The following DLEC1 variants were observed in gnomAD, a reference collection of about 807,000 sequenced individuals.
The protein encoded by DLEC1 is DLEC1 cilia and flagella associated protein, also known as deleted in lung and esophageal cancer protein 1.
DLEC1 carries 146 observed loss-of-function variants against 198.1 expected under a neutral mutation model. The ratio of observed to expected loss-of-function variants is 0.74; its 90% CI spans 0.64 to 0.85. DLEC1 has a LOEUF of 0.85. Ranked by LOEUF, DLEC1 falls within the 40% of genes least tolerant of loss-of-function variation. DLEC1 has a pLI of 0.00. For missense variants in DLEC1, 2,233 were observed against 2,220.0 expected (o/e 1.01, Z -0.12); for synonymous variants, 897 against 866.8 (o/e 1.03, Z -0.61).
At position 38,097,762 on chromosome 3, in the gene DLEC1, A is replaced by G; in HGVS notation, c.2584A>G (p.Asn862Asp). Reference sequence around the variant, plus strand: ...GTCTCAGGGGCCTGCCCTCATCATCAACGTCTCAGCCCTTCAGTTTGGTCT... The same window carrying G: ...GTCTCAGGGGCCTGCCCTCATCATCGACGTCTCAGCCCTTCAGTTTGGTCT... ...AVFKGPALII[N>D]VSALQFGLLR... Residue 862 changes from asparagine (N) to aspartate (D), a missense_variant, in exon 18 of 37, where the codon AAC (asparagine) becomes GAC (aspartate). Asn to Asp is a conservative substitution (Grantham distance 23). Coordinates refer to ENST00000308059, the MANE Select transcript of DLEC1 (RefSeq NM_007335.4). The G allele has an allele frequency of 6.2e-7, 1 of 1,614,076 alleles. No homozygotes were observed.
intron 33 of DLEC1, 52 bp downstream of exon 33, chr3:38,118,076 TAC>T: frequency 1.3e-6 from 2 of 1,537,668 alleles, no homozygotes; most frequent in Non-Finnish European, 1.8e-6. Flanking sequence ...CTCACATGTG[TAC>T]AGACAGCACC....
At chr3:38,101,702 A>G (rs927730730) in intron 19 of DLEC1, among the ~76,000 whole-genome samples, 44 of 152,198 alleles carry the variant, frequency 2.9e-4, no homozygotes, top group African/African-American at 1.1e-3. Flanking sequence ...CACCATGACA[A>G]ATGTTGTTGG....
intron 1 of DLEC1, among the ~76,000 whole-genome samples, chr3:38,043,785 C>G (rs1575375974): frequency 6.6e-6 from 1 of 152,132 alleles, no homozygotes; most frequent in African/African-American, 2.4e-5. Context: ...TCTCTGCCTC[C>G]TGGGTTCAAG....
intron 19 of DLEC1, among the ~76,000 whole-genome samples, chr3:38,101,439 G>A (rs1236659688): frequency 2.6e-5 from 4 of 152,112 alleles, no homozygotes; most frequent in African/African-American, 9.7e-5. Flanking sequence ...AAGCTGGCTG[G>A]TGATAATATT....
rs1699092813 is a variant in DLEC1 at position 38,097,562 on chromosome 3, C to G, written c.2490C>G (p.Pro830=). ...ACTTTACTGGGGGTGTCCCTGGCCC[C>G]ACAAGCCAGGACCTGCTGTGTGAAA... ...ELNFTGGVPG[P]TSQDLLCEIE... is the part of the protein sequence containing the mutation. The change falls in exon 17 of 37, where the codon CCC becomes CCG. Residue 830 remains proline (P), a synonymous_variant. Coordinates refer to ENST00000308059, the MANE Select transcript of DLEC1 (RefSeq NM_007335.4). 4.3e-6 allele frequency: 7 copies of G among 1,614,082 alleles called. No homozygotes were observed. Among genetic ancestry groups the G allele is most frequent in the African/African-American group, 1.3e-5 (1 of 74,922 alleles).
chr3:38,056,117 A>AC (rs1165385719), intron 2 of DLEC1, among the ~76,000 whole-genome samples: 2 of 139,822 alleles, frequency 1.4e-5, no homozygotes, highest in African/African-American at 2.7e-5. Flanking sequence ...ACACACACAC[A>AC]AATAGCTGAG....
rs575414758 is a variant in DLEC1, at chr3:38,121,217, T to C, written c.4867-411T>C. On this transcript the variant is annotated intron_variant, in intron 34 of 36. Coordinates refer to ENST00000308059, the MANE Select transcript of DLEC1 (RefSeq NM_007335.4). Reference sequence around the variant, plus strand: ...GGTGCATGGCAGTGCCTGAGTGTGATGCAGGGGCTGCCAGGAGATAGAGGA... The same window carrying C: ...GGTGCATGGCAGTGCCTGAGTGTGACGCAGGGGCTGCCAGGAGATAGAGGA... Among the ~76,000 whole-genome samples, 7 of 152,288 alleles carry C rather than the reference T, an allele frequency of 4.6e-5. No homozygotes were observed. In the East Asian group the frequency reaches 1.4e-3, roughly 30 times the overall value.
chr3:38,111,555 G>A lies in DLEC1; in HGVS notation c.3444-122G>A, dbSNP rs966689068. 6.3e-6 allele frequency: 6 copies of A among 956,112 alleles called. No individual in the cohort carries two copies. The African/African-American group carries it at 1.0e-4, about 16-fold the overall frequency. The allele number at this position is 956,112 out of a possible 1,614,324, so 59.2% of individuals were successfully genotyped here. A position where few individuals can be genotyped will look rare whatever the true frequency, so the allele number is the denominator to read the frequency against. On this transcript the variant is annotated intron_variant, in intron 23 of 36. Transcript: ENST00000308059. ...ACTGACCAGCTCTCCCCTGGGAAGA[G>A]CAGGCAGGGCCACCTTCCTCTGCTG...
rs374279521 is a variant in DLEC1 at position 38,122,276 on chromosome 3, A to G, written c.5145-13A>G. On this transcript the variant is annotated splice_polypyrimidine_tract_variant and intron_variant, in intron 36 of 36. Coordinates refer to ENST00000308059, the MANE Select transcript of DLEC1 (RefSeq NM_007335.4). ...GGTGCCTCCTAACCTCAGCCCCCAC[A>G]TGCTCCCCACAGGAGTAGTGAGCTG... 14 of 1,608,312 alleles carry G rather than the reference A, an allele frequency of 8.7e-6. No homozygotes were observed. Among genetic ancestry groups the G allele is most frequent in the Admixed American group, 3.3e-5 (2 of 59,798 alleles).
rs183467386 is a variant in DLEC1 at position 38,110,609 on chromosome 3, G to C, written c.3443+328G>C. Among the ~76,000 whole-genome samples the C allele has an allele frequency of 4.5e-3, 691 of 152,330 alleles. 1 individual carries two copies. The highest frequency in any genetic ancestry group is 0.017 in the Middle Eastern group (5 of 294). The stretch of plus-strand genomic sequence containing the variant: ...ACAGAAGGAACTGTGCAGGCCAAAG[G>C]GTGGGAGGAATAGTTCAGGAGTAGG... On this transcript the variant is annotated intron_variant, in intron 23 of 36. Coordinates refer to ENST00000308059, the MANE Select transcript of DLEC1 (RefSeq NM_007335.4).
At chr3:38,042,397 A>G (rs2125569214) in intron 1 of DLEC1, among the ~76,000 whole-genome samples, 1 of 152,280 alleles carries the variant, frequency 6.6e-6, no homozygotes, top group African/African-American at 2.4e-5. Context: ...TCACAACAAA[A>G]TGTTAACAAT....
chr3:38,069,614 C>T (rs552495211), intron 6 of DLEC1, among the ~76,000 whole-genome samples: 1 of 152,314 alleles, frequency 6.6e-6, no homozygotes, highest in South Asian at 2.1e-4. Context: ...CCAAAGCTTC[C>T]AGTGCTGTTA....
rs1018113865 is a variant in DLEC1, at chr3:38,116,332, C to A, written c.3857-121C>A. 8 of 900,882 alleles carry A rather than the reference C, an allele frequency of 8.9e-6. No homozygotes were observed. In the Admixed American group the frequency reaches 1.2e-4, roughly 13 times the overall value. The allele number at this position is 900,882 out of a possible 1,614,324, so 55.8% of individuals were successfully genotyped here. A position where few individuals can be genotyped will look rare whatever the true frequency, so the allele number is the denominator to read the frequency against. On this transcript the variant is annotated intron_variant, in intron 27 of 36. Coordinates refer to ENST00000308059, the MANE Select transcript of DLEC1 (RefSeq NM_007335.4). ...GTGGCATTAGAGAGGCAGAGAGGCA[C>A]CCCCTCCACCTGGGTATGGGAGAAT... is the stretch of plus-strand genomic sequence containing the variant.
chr3:38,064,593 G>C (rs1308821178), intron 6 of DLEC1, among the ~76,000 whole-genome samples: 1 of 151,812 alleles, frequency 6.6e-6, no homozygotes. Context: ...CGGCCGGGCA[G>C]AGGCTCCCCC....
At chr3:38,082,131 G>T (rs1460031732) in intron 6 of DLEC1, among the ~76,000 whole-genome samples, 2 of 149,402 alleles carry the variant, frequency 1.3e-5, no homozygotes, top group African/African-American at 5.0e-5. Context: ...TCTCGGCCAG[G>T]CAGAGGCGCT....
At chr3:38,084,417 G>GTAA (rs1698267958) in intron 7 of DLEC1, among the ~76,000 whole-genome samples, 172 bp downstream of exon 7, 1 of 149,986 alleles carries the variant, frequency 6.7e-6, no homozygotes, top group Non-Finnish European at 1.5e-5. Flanking sequence ...GGTGGTAGTA[G>GTAA]TAGTGGTAGT....
At chr3:38,101,015 T>C (rs1699279551) in intron 19 of DLEC1, among the ~76,000 whole-genome samples, 1 of 152,164 alleles carries the variant, frequency 6.6e-6, no homozygotes, top group Admixed American at 6.5e-5. Flanking sequence ...GGAAAACTTC[T>C]CATATATATA....
intron 9 of DLEC1, among the ~76,000 whole-genome samples, chr3:38,087,106 A>G (rs1359736241): frequency 6.6e-6 from 1 of 152,114 alleles, no homozygotes; most frequent in East Asian, 1.9e-4. Flanking sequence ...TTTTATATAA[A>G]GTTCTACATT....
At chr3:38,101,471 G>C (rs1440307978) in intron 19 of DLEC1, among the ~76,000 whole-genome samples, 1 of 152,024 alleles carries the variant, frequency 6.6e-6, no homozygotes, top group African/African-American at 2.4e-5. Flanking sequence ...GTTGTGTGGA[G>C]GTAGTACATA....
Sources: allele counts gnomAD v4.1 joint callset (sites outside exome capture counted in the v4.1 genomes callset), GRCh38; gene constraint gnomAD v4.1.1; transcripts MANE v1.5; gene names NCBI Gene and HGNC (gene_info 2026-07-23, HGNC 2026-07-21).